MSI2: variants seen among roughly 807,000 people sequenced by gnomAD.
MSI2 encodes musashi RNA binding protein 2.
MSI2 carries 17 observed loss-of-function variants against 45.6 expected under a neutral mutation model. That is an observed-to-expected ratio of 0.37 (90% CI 0.26 to 0.56). MSI2 has a LOEUF of 0.56. Ranked by LOEUF, MSI2 falls within the 20% of genes least tolerant of loss-of-function variation. The pLI is 0.77. For missense variants in MSI2, 293 were observed against 444.2 expected (o/e 0.66, Z 3.06); for synonymous variants, 156 against 158.2 (o/e 0.99, Z 0.11).
In MSI2 at chr17:57,563,746, G is replaced by GCACACACACACACACACA. The variant is rs61342598; in HGVS notation, c.455-33101_455-33084dup. On this transcript the variant is annotated intron_variant, in intron 7 of 13. Transcript: ENST00000284073. ...TTCCCTCTCACACACACACAGGCGC[G>GCACACACACACACACACA]CACACACACACACACACACACACAC... Among the ~76,000 whole-genome samples the GCACACACACACACACACA allele has an allele frequency of 1.4e-4, 20 of 139,398 alleles. No homozygotes were observed. The East Asian group carries it at 2.8e-3, about 19-fold the overall frequency. 91.5% of individuals were successfully genotyped at this position (139,398 alleles called of 152,430 possible). A position where few individuals can be genotyped will look rare whatever the true frequency, so the allele number is the denominator to read the frequency against.
At chr17:57,449,760 G>C (rs893946622) in intron 6 of MSI2, 2 of 152,280 alleles carry the variant, frequency 1.3e-5, no homozygotes, top group South Asian at 4.1e-4. Flanking sequence ...AGGCGCAGTG[G>C]TTCGTGCCTG....
At chr17:57,646,281 G>C (rs1910651872) in intron 10 of MSI2, among the ~76,000 whole-genome samples, 1 of 152,212 alleles carries the variant, frequency 6.6e-6, no homozygotes, top group South Asian at 2.1e-4. Flanking sequence ...GCAATAAAAA[G>C]TAAGTGTGGT....
intron 11 of MSI2, among the ~76,000 whole-genome samples, chr17:57,673,634 A>C (rs759845168): frequency 1.3e-5 from 2 of 152,198 alleles, no homozygotes; most frequent in East Asian, 3.9e-4. Context: ...ACTACTAAGG[A>C]GAAATAAAGG....
At chr17:57,669,144 A>T (rs1247823193) in intron 11 of MSI2, among the ~76,000 whole-genome samples, 1 of 152,246 alleles carries the variant, frequency 6.6e-6, no homozygotes, top group Non-Finnish European at 1.5e-5. Flanking sequence ...TTGTCTTTTC[A>T]TGCTGACCTT....
intron 7 of MSI2, among the ~76,000 whole-genome samples, chr17:57,564,420 G>A (rs2087677750): frequency 6.6e-6 from 1 of 152,164 alleles, no homozygotes; most frequent in Non-Finnish European, 1.5e-5. Flanking sequence ...TGCTTTGGGG[G>A]AAGCTCTGAT....
the MSI2 span, among the ~76,000 whole-genome samples, chr17:57,699,148 GGAGAGAGAGA>G: frequency 7.1e-4 from 15 of 21,166 alleles, 2 homozygotes; most frequent in African/African-American, 4.8e-3. Flanking sequence ...GAAGAGGCGA[GGAGAGAGAGA>G]GAGAGAGAGA....
chr17:57,505,240 T>C (rs768895424), intron 6 of MSI2, among the ~76,000 whole-genome samples: 48 of 152,156 alleles, frequency 3.2e-4, no homozygotes, highest in Non-Finnish European at 8.8e-5. Context: ...CAATGGCTCT[T>C]CTTGCCACCT....
chr17:57,334,650 C>T (rs555738834), intron 5 of MSI2, among the ~76,000 whole-genome samples: 34 of 152,130 alleles, frequency 2.2e-4, no homozygotes, highest in African/African-American at 7.5e-4. Context: ...AAAAATTAGC[C>T]GGGCATGGTG....
intron 6 of MSI2, among the ~76,000 whole-genome samples, chr17:57,508,722 C>T (rs529813800): frequency 4.6e-5 from 7 of 152,282 alleles, no homozygotes; most frequent in African/African-American, 1.7e-4. Context: ...CTCACAGATA[C>T]GCGCGTGAGC....
intron 8 of MSI2, among the ~76,000 whole-genome samples, chr17:57,607,355 A>G (rs1906721637): frequency 6.6e-6 from 1 of 152,226 alleles, no homozygotes; most frequent in African/African-American, 2.4e-5. Flanking sequence ...TGGAAGGTAG[A>G]CATTCCTGCT....
chr17:57,450,447 C>T (rs985057244), intron 6 of MSI2, among the ~76,000 whole-genome samples: 4 of 140,528 alleles, frequency 2.8e-5, no homozygotes, highest in African/African-American at 1.1e-4. Flanking sequence ...GAGGCCACAG[C>T]GGGCTGATCA....
chr17:57,422,163 TA>T (rs1234627352), intron 6 of MSI2, among the ~76,000 whole-genome samples: 1 of 152,218 alleles, frequency 6.6e-6, no homozygotes, highest in African/African-American at 2.4e-5. Flanking sequence ...GAACTGCTTT[TA>T]TTAGTAGATA....
chr17:57,503,769 CAG>C (rs1304712391), intron 6 of MSI2, among the ~76,000 whole-genome samples: 2 of 152,102 alleles, frequency 1.3e-5, no homozygotes, highest in African/African-American at 4.8e-5. Context: ...GTTTTTGAGA[CAG>C]AGTCTTGCTG....
chr17:57,325,817 C>T (rs1010266557), intron 5 of MSI2, among the ~76,000 whole-genome samples: 7 of 152,208 alleles, frequency 4.6e-5, no homozygotes, highest in Admixed American at 6.5e-5. Flanking sequence ...CCGTACCAAG[C>T]GTGATGCTTC....
chr17:57,317,294 G>A lies in MSI2; in HGVS notation c.312+55102G>A, dbSNP rs114188710. Among the ~76,000 whole-genome samples the A allele has an allele frequency of 4.2e-3, 646 of 152,286 alleles. 7 individuals carry two copies. Among genetic ancestry groups the A allele is most frequent in the African/African-American group, 0.015 (617 of 41,564 alleles). The stretch of plus-strand genomic sequence containing the variant: ...AGCTTATACCACCAACTGAGATGAT[G>A]ACGATGCCTGGAGACTCTTATTTCA... On this transcript the variant is annotated intron_variant, in intron 5 of 13. Transcript: ENST00000284073.
intron 5 of MSI2, among the ~76,000 whole-genome samples, chr17:57,283,895 C>T (rs951961383): frequency 1.3e-5 from 2 of 152,178 alleles, no homozygotes; most frequent in African/African-American, 2.4e-5. Flanking sequence ...GAAGCACTCA[C>T]GTTGTGCCCA....
At position 57,407,536 on chromosome 17, in the gene MSI2, CAA is replaced by C. The variant is rs1159059892; in HGVS notation, c.405+6068_405+6069del. 6.6e-6 allele frequency among the ~76,000 whole-genome samples: 1 copy of C among 152,144 alleles called. No individual in the cohort carries two copies. The highest frequency in any genetic ancestry group is 1.5e-5 in the Non-Finnish European group (1 of 68,006). On this transcript the variant is annotated intron_variant, in intron 6 of 13. Coordinates refer to ENST00000284073, the MANE Select transcript of MSI2 (RefSeq NM_138962.4). The surrounding 1 kb of genome is among the most constrained non-coding windows in gnomAD (Gnocchi z 4.1). ...GTTCTCTCAGAGGAGGCTTGGAAAA[CAA>C]AAGTCTTGTGTGTCCTTTGTGGACA...
intron 6 of MSI2, among the ~76,000 whole-genome samples, chr17:57,412,552 T>G (rs1257716606): frequency 6.6e-6 from 1 of 152,174 alleles, no homozygotes; most frequent in Non-Finnish European, 1.5e-5. Context: ...GTTTACTCCT[T>G]AGTATAGGGG....
chr17:57,414,439 G>A (rs918365133), intron 6 of MSI2, among the ~76,000 whole-genome samples: 1 of 151,938 alleles, frequency 6.6e-6, no homozygotes, highest in Non-Finnish European at 1.5e-5. Context: ...GCCCAAGCTG[G>A]AGTGCAGTGG....
Sources: gnomAD v4.1 joint callset for allele counts (sites outside exome capture counted in the v4.1 genomes callset) on GRCh38, gnomAD v4.1.1 for gene constraint, Gnocchi (gnomAD v3.1) non-coding constraint, MANE v1.5 for transcripts, NCBI Gene and HGNC (gene_info 2026-07-23, HGNC 2026-07-21) for gene names.